Variants in SHANK2 observed in about 807,000 individuals in gnomAD.
SHANK2 encodes the protein SH3 and multiple ankyrin repeat domains 2.
SHANK2 carries 43 observed loss-of-function variants against 133.7 expected under a neutral mutation model. The ratio of observed to expected loss-of-function variants is 0.32; its 90% CI spans 0.25 to 0.41. SHANK2 has a LOEUF of 0.41. SHANK2 is among the 10% of genes least tolerant of loss of function. The probability of loss-of-function intolerance (pLI) is 1.00; values close to 1 mark genes in which losing one functional copy is unlikely to be tolerated. For missense variants in SHANK2, 1,994 were observed against 2,235.8 expected (o/e 0.89, Z 2.18); for synonymous variants, 1,017 against 952.8 (o/e 1.07, Z -1.24).
At chr11:71,094,946 T>G (rs1387929833) in intron 6 of SHANK2, among the ~76,000 whole-genome samples, 1 of 152,222 alleles carries the variant, frequency 6.6e-6, no homozygotes, top group Non-Finnish European at 1.5e-5. Context: ...AGGACTGCTG[T>G]GTGGGCCACA....
intron 17 of SHANK2, among the ~76,000 whole-genome samples, chr11:70,617,246 TGA>T (rs1232568870): frequency 3.9e-5 from 6 of 151,994 alleles, no homozygotes; most frequent in East Asian, 1.9e-4. Context: ...TGTGTGTCAC[TGA>T]GAGTGCATGT....
chr11:70,573,280 C>T (rs1382716716), intron 17 of SHANK2, among the ~76,000 whole-genome samples: 3 of 23,692 alleles, frequency 1.3e-4, no homozygotes, highest in African/African-American at 5.7e-4. Flanking sequence ...GCGGTGGGGG[C>T]GGGGGGGCTG....
intron 2 of SHANK2, among the ~76,000 whole-genome samples, chr11:71,201,345 C>T (rs1446534037): frequency 2.0e-5 from 3 of 152,252 alleles, no homozygotes; most frequent in Non-Finnish European, 4.4e-5. Flanking sequence ...AGGACAAGCA[C>T]GTCTTTCCAC....
At chr11:70,562,863 G>T (rs1205137461) in intron 17 of SHANK2, among the ~76,000 whole-genome samples, 1 of 152,050 alleles carries the variant, frequency 6.6e-6, no homozygotes, top group Non-Finnish European at 1.5e-5. Flanking sequence ...CTTCTTTTGG[G>T]TTGATAATTT....
At chr11:70,776,993 C>T (rs538972072) in intron 14 of SHANK2, among the ~76,000 whole-genome samples, 1 of 151,012 alleles carries the variant, frequency 6.6e-6, no homozygotes, top group African/African-American at 2.4e-5. Context: ...ACTCAGCCAC[C>T]CTTCTGTCCT....
At chr11:70,573,746 G>T (rs1478352473) in intron 17 of SHANK2, among the ~76,000 whole-genome samples, 1 of 152,180 alleles carries the variant, frequency 6.6e-6, no homozygotes, top group Non-Finnish European at 1.5e-5. Flanking sequence ...GCCAGCCGAT[G>T]CCCCAAGCCC....
intron 17 of SHANK2, among the ~76,000 whole-genome samples, chr11:70,553,656 C>T (rs1280368489): frequency 1.3e-5 from 2 of 152,172 alleles, no homozygotes; most frequent in South Asian, 2.1e-4. Flanking sequence ...GCTCTTTCAC[C>T]GAGGGCCATG....
At chr11:70,793,031 C>T (rs1321506809) in intron 14 of SHANK2, among the ~76,000 whole-genome samples, 1 of 151,972 alleles carries the variant, frequency 6.6e-6, no homozygotes, top group Non-Finnish European at 1.5e-5. Context: ...ATTCCCACCT[C>T]GATGACACAG....
At chr11:71,122,257 C>A (rs1952095192) in intron 3 of SHANK2, among the ~76,000 whole-genome samples, 1 of 152,148 alleles carries the variant, frequency 6.6e-6, no homozygotes, top group African/African-American at 2.4e-5. Context: ...AAATGTCCAT[C>A]AATGATAGAC....
chr11:71,221,632 G>A (rs1158006768), intron 2 of SHANK2, among the ~76,000 whole-genome samples: 3 of 152,206 alleles, frequency 2.0e-5, no homozygotes, highest in Non-Finnish European at 4.4e-5. Context: ...AACAGTCAAT[G>A]AGAATTGCAA....
intron 15 of SHANK2, among the ~76,000 whole-genome samples, chr11:70,672,952 T>G (rs1690650322): frequency 6.6e-6 from 1 of 152,146 alleles, no homozygotes; most frequent in African/African-American, 2.4e-5. Flanking sequence ...TGAGCCTGGG[T>G]TTTCCTGTCT....
At chr11:71,102,451 G>A (rs577514251) in intron 6 of SHANK2, among the ~76,000 whole-genome samples, 1 of 152,266 alleles carries the variant, frequency 6.6e-6, no homozygotes, top group East Asian at 1.9e-4. Flanking sequence ...CCAAAACAGG[G>A]ACGCGGGGCC....
At chr11:71,086,092 TAAATTATATA>T (rs1236518022) in intron 8 of SHANK2, among the ~76,000 whole-genome samples, 6,742 of 20,878 alleles carry the variant, frequency 0.32, 937 homozygotes, top group Middle Eastern at 0.5. Context: ...TATAATATAT[TAAATTATATA>T]ATATATTATG....
At chr11:70,848,396 C>G (rs1949031528) in intron 11 of SHANK2, among the ~76,000 whole-genome samples, 1 of 152,226 alleles carries the variant, frequency 6.6e-6, no homozygotes, top group Admixed American at 6.5e-5. Context: ...GTTCCCGCCA[C>G]TTCCCAAAGT....
At chr11:70,880,586 A>C (rs1949644388) in intron 11 of SHANK2, among the ~76,000 whole-genome samples, 1 of 152,214 alleles carries the variant, frequency 6.6e-6, no homozygotes, top group Non-Finnish European at 1.5e-5. Flanking sequence ...GGCCAGGGGC[A>C]TGTGCCCATG....
chr11:71,223,798 C>A (rs919124917), intron 2 of SHANK2, among the ~76,000 whole-genome samples: 1 of 152,150 alleles, frequency 6.6e-6, no homozygotes. Context: ...ACCAGGTACA[C>A]CCCCATCCAC....
At chr11:71,157,060 A>G (rs1393163232) in intron 2 of SHANK2, among the ~76,000 whole-genome samples, 6 of 152,250 alleles carry the variant, frequency 3.9e-5, no homozygotes, top group African/African-American at 1.2e-4. Context: ...ACACATGTAT[A>G]CATATGTAAC....
At chr11:70,857,549 C>T (rs1268966276) in intron 11 of SHANK2, among the ~76,000 whole-genome samples, 5 of 152,132 alleles carry the variant, frequency 3.3e-5, no homozygotes, top group African/African-American at 7.2e-5. Context: ...GACCTTGGTG[C>T]CTTTCTCAGG....
At chr11:71,098,078 G>T (rs1436775147) in intron 6 of SHANK2, among the ~76,000 whole-genome samples, 1 of 148,534 alleles carries the variant, frequency 6.7e-6, no homozygotes, top group African/African-American at 2.5e-5. Context: ...CTGTGTGTAT[G>T]CATGCCTGTT....
Sources: gnomAD v4.1 joint callset for allele counts (sites outside exome capture counted in the v4.1 genomes callset) on GRCh38, gnomAD v4.1.1 for gene constraint, MANE v1.5 for transcripts, NCBI Gene and HGNC (gene_info 2026-07-23, HGNC 2026-07-21) for gene names.